C8orf34: variants seen among roughly 807,000 people sequenced by gnomAD.
C8orf34 encodes uncharacterized protein C8orf34.
C8orf34 carries 65 observed loss-of-function variants against 68.3 expected under a neutral mutation model. That is an observed-to-expected ratio of 0.95 (90% confidence interval 0.78 to 1.17). C8orf34 has a LOEUF of 1.17. Ranked by LOEUF, C8orf34 falls within the 50% of genes most tolerant of loss-of-function variation. The pLI is 0.00. For missense variants in C8orf34, 664 were observed against 655.4 expected (o/e 1.01, Z -0.14); for synonymous variants, 244 against 241.2 (o/e 1.01, Z -0.11).
intron 1 of C8orf34, among the ~76,000 whole-genome samples, chr8:68,419,126 A>G (rs970124357): frequency 1.3e-5 from 2 of 152,036 alleles, no homozygotes; most frequent in African/African-American, 4.8e-5. Flanking sequence ...AACTCAAACA[A>G]ATTTACAAGA....
At chr8:68,703,963 G>C (rs1326780505) in intron 8 of C8orf34, among the ~76,000 whole-genome samples, 2 of 152,004 alleles carry the variant, frequency 1.3e-5, no homozygotes, top group African/African-American at 4.8e-5. Context: ...GTATACTATA[G>C]TATTCTATAC....
At chr8:68,341,248 T>C (rs561859787) in intron 1 of C8orf34, among the ~76,000 whole-genome samples, 3 of 152,166 alleles carry the variant, frequency 2.0e-5, no homozygotes, top group Non-Finnish European at 4.4e-5. Context: ...CTTCTAAGGA[T>C]GCCAATCCCG....
intron 7 of C8orf34, among the ~76,000 whole-genome samples, chr8:68,625,184 T>C (rs947933195): frequency 6.6e-6 from 1 of 152,044 alleles, no homozygotes; most frequent in African/African-American, 2.4e-5. Flanking sequence ...CTTCTGGGGT[T>C]GAGAAGGGAG....
At chr8:68,497,880 G>C (rs1813598648) in intron 5 of C8orf34, among the ~76,000 whole-genome samples, 1 of 152,160 alleles carries the variant, frequency 6.6e-6, no homozygotes, top group African/African-American at 2.4e-5. Flanking sequence ...CCAGGCTGGA[G>C]TGGAATGGTG....
intron 3 of C8orf34, among the ~76,000 whole-genome samples, chr8:68,451,002 T>C (rs777286373): frequency 8.5e-5 from 13 of 152,280 alleles, no homozygotes; most frequent in Admixed American, 3.3e-4. Flanking sequence ...TGTTTTTTAG[T>C]GTAGCCACCT....
intron 3 of C8orf34, among the ~76,000 whole-genome samples, chr8:68,465,433 C>T (rs1418822603): frequency 6.6e-6 from 1 of 150,892 alleles, no homozygotes; most frequent in Non-Finnish European, 1.5e-5. Context: ...CCATTTGACC[C>T]AGCCATCCCA....
At chr8:68,647,772 T>C (rs141192508) in intron 8 of C8orf34, among the ~76,000 whole-genome samples, 1 of 152,284 alleles carries the variant, frequency 6.6e-6, no homozygotes, top group African/African-American at 2.4e-5. Flanking sequence ...CATAAATATA[T>C]CACATGACGT....
chr8:68,671,595 G>T (rs1820012557), intron 8 of C8orf34, among the ~76,000 whole-genome samples: 1 of 152,174 alleles, frequency 6.6e-6, no homozygotes, highest in South Asian at 2.1e-4. Context: ...CATTGCAATT[G>T]TCAGCACCAC....
At chr8:68,570,183 C>T (rs1184879943) in intron 7 of C8orf34, among the ~76,000 whole-genome samples, 1 of 152,184 alleles carries the variant, frequency 6.6e-6, no homozygotes. Context: ...AGTTACCAGC[C>T]AGTGCATATA....
chr8:68,618,351 A>G (rs1202282946), intron 7 of C8orf34, among the ~76,000 whole-genome samples: 1 of 151,990 alleles, frequency 6.6e-6, no homozygotes, highest in African/African-American at 2.4e-5. Context: ...CAAAGGTTGA[A>G]CATCTTATTA....
intron 12 of C8orf34, among the ~76,000 whole-genome samples, chr8:68,808,164 A>C (rs1824540401): frequency 6.6e-6 from 1 of 152,172 alleles, no homozygotes; most frequent in African/African-American, 2.4e-5. Flanking sequence ...GCTTTGATAG[A>C]TGTTTGGTGC....
chr8:68,795,914 G>A (rs1221737785), intron 12 of C8orf34, among the ~76,000 whole-genome samples: 1 of 152,132 alleles, frequency 6.6e-6, no homozygotes, highest in African/African-American at 2.4e-5. Flanking sequence ...ACATCCTAAG[G>A]GCAGAGGTTC....
intron 11 of C8orf34, among the ~76,000 whole-genome samples, chr8:68,784,256 C>T (rs956811130): frequency 2.6e-5 from 4 of 152,082 alleles, no homozygotes; most frequent in Admixed American, 2.6e-4. Flanking sequence ...CAAATTGTTC[C>T]TCCGTTGATA....
At chr8:68,779,196 C>T (rs1234168721) in intron 11 of C8orf34, among the ~76,000 whole-genome samples, 3 of 145,336 alleles carry the variant, frequency 2.1e-5, no homozygotes, top group Non-Finnish European at 3.0e-5. Context: ...CACACACACA[C>T]ACACACACAC....
intron 7 of C8orf34, among the ~76,000 whole-genome samples, chr8:68,619,658 T>C (rs1367368821): frequency 1.3e-5 from 2 of 152,188 alleles, no homozygotes; most frequent in Non-Finnish European, 2.9e-5. Flanking sequence ...AAAGCTAACT[T>C]CTTTGAGGGC....
intron 5 of C8orf34, among the ~76,000 whole-genome samples, chr8:68,510,033 C>T (rs768806556): frequency 6.6e-6 from 1 of 152,200 alleles, no homozygotes; most frequent in Non-Finnish European, 1.5e-5. Flanking sequence ...TGGCAGGAAT[C>T]AGCCATGCTT....
chr8:68,664,580 T>A (rs897162839), intron 8 of C8orf34, among the ~76,000 whole-genome samples: 1 of 152,178 alleles, frequency 6.6e-6, no homozygotes, highest in African/African-American at 2.4e-5. Context: ...AACTGTAGGT[T>A]AATGTAAGTG....
At chr8:68,474,544 C>T (rs1221425379) in intron 4 of C8orf34, among the ~76,000 whole-genome samples, 3 of 152,164 alleles carry the variant, frequency 2.0e-5, no homozygotes, top group Non-Finnish European at 4.4e-5. Flanking sequence ...AAGAGGACAG[C>T]CTCTGCCCTT....
intron 1 of C8orf34, among the ~76,000 whole-genome samples, chr8:68,336,821 G>A (rs1039326006): frequency 2.0e-5 from 3 of 152,118 alleles, no homozygotes; most frequent in African/African-American, 7.2e-5. Context: ...AAAAAGTAAG[G>A]AAGAGCTCAA....
Sources: gnomAD v4.1 joint callset for allele counts (sites outside exome capture counted in the v4.1 genomes callset) on GRCh38, gnomAD v4.1.1 for gene constraint, MANE v1.5 for transcripts, NCBI Gene and HGNC (gene_info 2026-07-23, HGNC 2026-07-21) for gene names.